PVT1: variants seen among roughly 807,000 people sequenced by gnomAD.
PVT1 encodes the protein CXCR4/PVT1 fusion.
intron 3 of PVT1, among the ~76,000 whole-genome samples, chr8:127,980,791 C>CTTTTTTT (rs11361552): frequency 3.3e-5 from 4 of 120,416 alleles, no homozygotes; most frequent in East Asian, 2.5e-4. Flanking sequence ...ACTACAGCTT[C>CTTTTTTT]TTTTTTTTTT....
intron 3 of PVT1, among the ~76,000 whole-genome samples, chr8:127,902,840 C>T (rs959200245): frequency 1.2e-4 from 18 of 152,144 alleles, no homozygotes; most frequent in South Asian, 2.1e-4. Context: ...CCACCACTGA[C>T]GGGCATTTAT....
chr8:128,021,166 G>A (rs901387848), intron 4 of PVT1, among the ~76,000 whole-genome samples: 9 of 151,964 alleles, frequency 5.9e-5, no homozygotes, highest in Middle Eastern at 3.2e-3. Context: ...TCGCTCCCTA[G>A]CTACAGACAT....
chr8:128,072,154 G>A (rs1814006226), intron 5 of PVT1, among the ~76,000 whole-genome samples: 1 of 152,104 alleles, frequency 6.6e-6, no homozygotes, highest in Admixed American at 6.5e-5. Flanking sequence ...AAAGCTTCTG[G>A]CTCCGAAACT....
chr8:127,805,561 C>T (rs117226676), intron 2 of PVT1, among the ~76,000 whole-genome samples: 12 of 152,218 alleles, frequency 7.9e-5, no homozygotes, highest in East Asian at 5.8e-4. Flanking sequence ...GTTATATGCT[C>T]GCACATGTTT....
chr8:127,839,286 C>A (rs1328901648), intron 2 of PVT1, among the ~76,000 whole-genome samples: 2 of 152,016 alleles, frequency 1.3e-5, no homozygotes, highest in South Asian at 4.2e-4. Flanking sequence ...GTGGCTCGTG[C>A]CTGTAATTCC....
intron 2 of PVT1, chr8:127,855,082 C>T (rs141716293): frequency 1.5e-5 from 6 of 398,228 alleles, no homozygotes; most frequent in South Asian, 2.6e-4. Flanking sequence ...TTAAACTACC[C>T]GATTCAAGTT....
chr8:127,999,651 G>A (rs1817152273), intron 4 of PVT1, among the ~76,000 whole-genome samples: 4 of 152,066 alleles, frequency 2.6e-5, no homozygotes, highest in Admixed American at 2.6e-4. Flanking sequence ...TAGTAGAAAC[G>A]GGGTTTCACC....
At chr8:127,905,569 T>C (rs1563635466) in intron 3 of PVT1, among the ~76,000 whole-genome samples, 1 of 152,210 alleles carries the variant, frequency 6.6e-6, no homozygotes, top group Non-Finnish European at 1.5e-5. Context: ...AATGTGTTTG[T>C]ATGAATGTTT....
At chr8:128,066,598 C>T (rs991661324) in intron 4 of PVT1, among the ~76,000 whole-genome samples, 3 of 152,100 alleles carry the variant, frequency 2.0e-5, no homozygotes, top group Non-Finnish European at 4.4e-5. Flanking sequence ...TTTTCTTGGC[C>T]CTGAATGGGA....
At position 127,928,720 on chromosome 8, in the gene PVT1, C is replaced by T. The variant is rs528801280; in HGVS notation, n.782+37722C>T. 1.1e-3 allele frequency among the ~76,000 whole-genome samples: 171 copies of T among 152,358 alleles called. 1 individual carries two copies. The highest frequency in any genetic ancestry group is 2.1e-3 in the Non-Finnish European group (140 of 68,034). On this transcript the variant is annotated intron_variant and non_coding_transcript_variant, in intron 3 of 10. Coordinates refer to ENST00000651587, the Ensembl canonical transcript of PVT1. The stretch of plus-strand genomic sequence containing the variant: ...CTCCTCTGTCTCTGGCCTCCCTTCT[C>T]CCTTTGAAAGGGACACAGTGCTGCT...
intron 4 of PVT1, among the ~76,000 whole-genome samples, chr8:128,017,403 G>C (rs1357354006): frequency 6.6e-6 from 1 of 152,130 alleles, no homozygotes; most frequent in African/African-American, 2.4e-5. Context: ...AGAATGTGTT[G>C]TCTACACAAC....
intron 5 of PVT1, among the ~76,000 whole-genome samples, chr8:128,077,629 C>T (rs534446776): frequency 1.1e-4 from 16 of 152,260 alleles, no homozygotes; most frequent in Non-Finnish European, 1.8e-4. Flanking sequence ...GGAAGGTGTA[C>T]ATGATAAATT....
At chr8:127,868,920 A>G (rs953655227) in intron 2 of PVT1, among the ~76,000 whole-genome samples, 2 of 150,802 alleles carry the variant, frequency 1.3e-5, no homozygotes, top group Non-Finnish European at 2.9e-5. Flanking sequence ...ATCTTCAGGC[A>G]CACTTTGGTA....
At chr8:128,010,284 G>A (rs549098583) in intron 4 of PVT1, 36 of 152,106 alleles carry the variant, frequency 2.4e-4, no homozygotes, top group Non-Finnish European at 4.7e-4. Context: ...CTTATAAACT[G>A]CAAAATGTCT....
At chr8:128,085,418 A>G (rs1814243725) in intron 5 of PVT1, among the ~76,000 whole-genome samples, 1 of 152,226 alleles carries the variant, frequency 6.6e-6, no homozygotes, top group South Asian at 2.1e-4. Context: ...TGCAGTAAAT[A>G]TGTAATCCAC....
intron 4 of PVT1, among the ~76,000 whole-genome samples, chr8:128,000,388 A>C (rs4733819): frequency 0.26 from 39,120 of 152,122 alleles, 5,219 homozygotes; most frequent in East Asian, 0.41. Context: ...AACTGGAAGC[A>C]CCAGAGGTAG....
intron 2 of PVT1, among the ~76,000 whole-genome samples, chr8:127,872,069 G>C (rs1815357244): frequency 6.6e-6 from 1 of 152,050 alleles, no homozygotes; most frequent in South Asian, 2.1e-4. Context: ...TCCAGCCTGG[G>C]GGACAAGAGT....
intron 3 of PVT1, among the ~76,000 whole-genome samples, chr8:127,920,042 A>G (rs537059531): frequency 6.6e-6 from 1 of 152,268 alleles, no homozygotes; most frequent in Non-Finnish European, 1.5e-5. Context: ...ACAGTGGTTC[A>G]TGTTCTAGCC....
chr8:128,052,848 G>A (rs930531717), intron 4 of PVT1, among the ~76,000 whole-genome samples: 3 of 152,214 alleles, frequency 2.0e-5, no homozygotes, highest in African/African-American at 7.2e-5. Flanking sequence ...TCATTTTACA[G>A]ATGAAGAAAC....
Sources: allele counts gnomAD v4.1 joint callset (sites outside exome capture counted in the v4.1 genomes callset), GRCh38; gene constraint gnomAD v4.1.1; transcripts MANE v1.5; gene names NCBI Gene and HGNC (gene_info 2026-07-23, HGNC 2026-07-21).